Variants in DOCK8 observed in about 807,000 individuals in gnomAD.
DOCK8 encodes dedicator of cytokinesis 8, also known as dedicator of cytokinesis protein 8.
Under a neutral mutation model 245.6 loss-of-function variants are expected in DOCK8, and 141 were observed. That is an observed-to-expected ratio of 0.57 (90% CI 0.50 to 0.66). DOCK8 has a LOEUF of 0.66. Among genes scored for constraint, DOCK8 ranks in the 30% least tolerant of loss-of-function variants. The pLI is 0.00. For missense variants in DOCK8, 2,965 were observed against 2,603.4 expected (o/e 1.14, Z -3.02); for synonymous variants, 1,168 against 970.2 (o/e 1.20, Z -3.79).
At chr9:275,461 C>G (rs1176515666) in intron 2 of DOCK8, among the ~76,000 whole-genome samples, 1 of 152,166 alleles carries the variant, frequency 6.6e-6, no homozygotes, top group Non-Finnish European at 1.5e-5. Context: ...TTAAAATTAT[C>G]TAGGGACAAT....
At position 286,653 on chromosome 9, in the gene DOCK8, A is replaced by G; in HGVS notation, c.332+17A>G. On this transcript the variant is annotated intron_variant, in intron 3 of 47. Transcript: ENST00000432829. ...GGAGGAAGGGTAAATAGTTTTCTAA[A>G]ATGTAGATGTGATTGGGATTGTCAT... is the stretch of plus-strand genomic sequence containing the variant. 1.2e-6 allele frequency: 2 copies of G among 1,612,908 alleles called. No homozygotes were observed. Among genetic ancestry groups the G allele is most frequent in the South Asian group, 2.2e-5 (2 of 91,050 alleles).
intron 21 of DOCK8, among the ~76,000 whole-genome samples, chr9:382,224 A>G (rs1472385861): frequency 6.6e-6 from 1 of 152,142 alleles, no homozygotes; most frequent in Non-Finnish European, 1.5e-5. Flanking sequence ...CCTGGGGTCC[A>G]TTTCCCGATG....
intron 22 of DOCK8, 26 bp from the exon 23 acceptor site, chr9:386,303 CTG>C (rs1404486260): frequency 6.3e-7 from 1 of 1,593,592 alleles, no homozygotes; most frequent in Non-Finnish European, 8.6e-7. Context: ...GGTTGGTTGA[CTG>C]TTAAGCCATG....
intron 14 of DOCK8, among the ~76,000 whole-genome samples, chr9:349,557 C>T (rs7855392): frequency 0.33 from 50,617 of 152,094 alleles, 10,629 homozygotes; most frequent in African/African-American, 0.59. Context: ...CCTAGAATTA[C>T]AGCTTTTAAG....
chr9:367,912 C>G (rs975114036), intron 14 of DOCK8, 106 bp from the exon 15 acceptor site: 4 of 917,118 alleles, frequency 4.4e-6, no homozygotes, highest in Non-Finnish European at 7.1e-6. Flanking sequence ...GGAAAAACTT[C>G]TTTGGAAAAA....
chr9:238,410 G>A (rs767155283), intron 1 of DOCK8, among the ~76,000 whole-genome samples: 1 of 152,184 alleles, frequency 6.6e-6, no homozygotes, highest in Non-Finnish European at 1.5e-5. Flanking sequence ...AACTGGCACA[G>A]GGTTCCACAC....
At chr9:284,510 T>C (rs1315357210) in intron 2 of DOCK8, 1 of 152,252 alleles carries the variant, frequency 6.6e-6, no homozygotes, top group East Asian at 1.9e-4. Flanking sequence ...TGCTCTCAGC[T>C]ACTGAGGTTG....
At chr9:274,863 C>T (rs952809327) in intron 2 of DOCK8, among the ~76,000 whole-genome samples, 63 of 152,204 alleles carry the variant, frequency 4.1e-4, no homozygotes, top group African/African-American at 1.4e-3. Context: ...TTCTGACCTT[C>T]GTTTCTCTTA....
chr9:329,812 A>G (rs910665205), intron 9 of DOCK8, among the ~76,000 whole-genome samples: 1 of 152,168 alleles, frequency 6.6e-6, no homozygotes, highest in Non-Finnish European at 1.5e-5. Context: ...GGTTCCTATC[A>G]CTTACTAAAT....
At chr9:291,164 A>G (rs955537689) in intron 4 of DOCK8, among the ~76,000 whole-genome samples, 1 of 152,224 alleles carries the variant, frequency 6.6e-6, no homozygotes, top group Non-Finnish European at 1.5e-5. Context: ...AGGAACAAAT[A>G]GAAAGATCCA....
chr9:327,882 A>G, intron 8 of DOCK8, 140 bp from the exon 9 acceptor site: 1 of 774,188 alleles, frequency 1.3e-6, no homozygotes, highest in East Asian at 2.6e-5. Flanking sequence ...TCCAGGAGCC[A>G]CTTTCCTAAA....
intron 1 of DOCK8, among the ~76,000 whole-genome samples, chr9:222,616 G>C (rs891878323): frequency 1.3e-5 from 2 of 152,046 alleles, no homozygotes; most frequent in Middle Eastern, 3.2e-3. Flanking sequence ...TTCTCTCCTA[G>C]GTCAGAGAGT....
Position 461,068 on chromosome 9 carries a change from G to A in DOCK8, c.6069-2449G>A, listed in dbSNP as rs548434620. ...AAAACAAAAGGCAAAACTTCATCAT[G>A]TTTAAATAACGTGATTTTCTTCTTT... On this transcript the variant is annotated intron_variant, in intron 46 of 47. Coordinates refer to ENST00000432829, the MANE Select transcript of DOCK8 (RefSeq NM_203447.4). Among the ~76,000 whole-genome samples the A allele has an allele frequency of 9.2e-5, 14 of 152,310 alleles. No homozygotes were observed. In the South Asian group the frequency reaches 2.7e-3, roughly 29 times the overall value.
At chr9:276,183 G>T (rs193033655) in intron 2 of DOCK8, among the ~76,000 whole-genome samples, 2 of 148,296 alleles carry the variant, frequency 1.3e-5, no homozygotes. Flanking sequence ...GAGCCACTGC[G>T]CTCGGCCCAT....
At chr9:305,579 C>A (rs2049789350) in intron 5 of DOCK8, among the ~76,000 whole-genome samples, 1 of 152,180 alleles carries the variant, frequency 6.6e-6, no homozygotes, top group South Asian at 2.1e-4. Context: ...GCCACCACGC[C>A]TGGCCAGTTG....
chr9:402,802 G>A (rs1166067897), intron 26 of DOCK8, among the ~76,000 whole-genome samples: 1 of 152,180 alleles, frequency 6.6e-6, no homozygotes, highest in Non-Finnish European at 1.5e-5. Context: ...TTGGGTAGGG[G>A]CATTGTGGGT....
At chr9:231,501 A>C (rs1250186623) in intron 1 of DOCK8, among the ~76,000 whole-genome samples, 2 of 152,110 alleles carry the variant, frequency 1.3e-5, no homozygotes, top group Non-Finnish European at 2.9e-5. Context: ...CAGTATGGCC[A>C]TTTTCACGAT....
chr9:451,927 G>GTGTGTATATATATGCATATACATATA (rs2057459220), intron 45 of DOCK8, 84 bp from the exon 46 acceptor site: 1 of 251,932 alleles, frequency 4.0e-6, no homozygotes, highest in African/African-American at 4.1e-5. Flanking sequence ...ACATATATAT[G>GTGTGTATATATATGCATATACATATA]TATGTGTATA....
At chr9:328,827 T>G (rs1446368712) in intron 9 of DOCK8, among the ~76,000 whole-genome samples, 1 of 152,024 alleles carries the variant, frequency 6.6e-6, no homozygotes, top group Non-Finnish European at 1.5e-5. Context: ...GGCTATACTC[T>G]TTGCTGTTGT....
Sources: allele counts gnomAD v4.1 joint callset (sites outside exome capture counted in the v4.1 genomes callset), GRCh38; gene constraint gnomAD v4.1.1; transcripts MANE v1.5; gene names NCBI Gene and HGNC (gene_info 2026-07-23, HGNC 2026-07-21).